The following BAZ2B variants were observed in gnomAD, a reference collection of about 807,000 sequenced individuals.
BAZ2B encodes bromodomain adjacent to zinc finger domain protein 2B.
In BAZ2B, 91 loss-of-function variants were observed where a neutral mutation model predicts 246.0. That is an observed-to-expected ratio of 0.37 (90% confidence interval 0.31 to 0.44). The LOEUF is 0.44. Among genes scored for constraint, BAZ2B ranks in the 20% least tolerant of loss-of-function variants. The pLI is 1.00. For synonymous variants in BAZ2B, 855 were observed against 860.0 expected (o/e 0.99, Z 0.10); for missense variants, 2,332 against 2,533.7 (o/e 0.92, Z 1.71).
chr2:159,445,590 C>T (rs967858995), intron 6 of BAZ2B, among the ~76,000 whole-genome samples: 5 of 152,158 alleles, frequency 3.3e-5, no homozygotes, highest in Admixed American at 1.3e-4. Flanking sequence ...GGCTGGGAAC[C>T]TGTCAGCTAC....
At chr2:159,403,954 A>G (rs1282383502) in intron 16 of BAZ2B, among the ~76,000 whole-genome samples, 2 of 152,114 alleles carry the variant, frequency 1.3e-5, no homozygotes, top group Non-Finnish European at 2.9e-5. Context: ...TAAATCCTAA[A>G]TCCCAACTCT....
At chr2:159,403,742 C>A (rs1287017354) in intron 16 of BAZ2B, among the ~76,000 whole-genome samples, 1 of 152,056 alleles carries the variant, frequency 6.6e-6, no homozygotes, top group African/African-American at 2.4e-5. Flanking sequence ...TTATATTTAT[C>A]TTTAAAAAGT....
At chr2:159,686,915 G>A in the BAZ2B span, among the ~76,000 whole-genome samples, 2 of 151,876 alleles carry the variant, frequency 1.3e-5, no homozygotes, top group Non-Finnish European at 2.9e-5. Flanking sequence ...GGTGGCGGGT[G>A]CCTGTAGTCC....
chr2:159,332,758 C>T lies in BAZ2B; in HGVS notation c.5797-72G>A, dbSNP rs543720581. 28 of 1,497,108 alleles carry T rather than the reference C, an allele frequency of 1.9e-5. No individual in the cohort carries two copies. The African/African-American group carries it at 3.2e-4, about 17-fold the overall frequency. 92.7% of individuals were successfully genotyped at this position (1,497,108 alleles called of 1,614,324 possible). A position where few individuals can be genotyped will look rare whatever the true frequency, so the allele number is the denominator to read the frequency against. On this transcript the variant is annotated intron_variant, in intron 33 of 36. Transcript: ENST00000392783. ...AATAGTTATTGGGATGTTAAACACACCATAATTCCTAATTTATATTAGTAA... is the reference window on the plus strand; with the variant it reads ...AATAGTTATTGGGATGTTAAACACATCATAATTCCTAATTTATATTAGTAA...
chr2:159,684,252 C>T, the BAZ2B span, among the ~76,000 whole-genome samples: 1 of 152,154 alleles, frequency 6.6e-6, no homozygotes, highest in South Asian at 2.1e-4. Context: ...TTTTGACAAG[C>T]ATGAATAAAG....
chr2:159,698,358 CAA>C, the BAZ2B span, among the ~76,000 whole-genome samples: 2 of 151,430 alleles, frequency 1.3e-5, no homozygotes, highest in Non-Finnish European at 2.9e-5. Context: ...CCCAGCTCTA[CAA>C]AAAATAAAAA....
intron 2 of BAZ2B, among the ~76,000 whole-genome samples, chr2:159,499,344 A>C (rs2081473339): frequency 1.3e-5 from 2 of 152,178 alleles, no homozygotes; most frequent in Non-Finnish European, 1.5e-5. Context: ...TGTCCCTGCA[A>C]AGGACATGAT....
intron 13 of BAZ2B, among the ~76,000 whole-genome samples, chr2:159,418,204 T>C (rs1027286036): frequency 2.0e-5 from 3 of 152,370 alleles, no homozygotes; most frequent in East Asian, 1.9e-4. Context: ...TTATGACTTA[T>C]AAACAGACTT....
Position 159,382,744 on chromosome 2 carries a change from G to C in BAZ2B, c.3820C>G (p.Leu1274Val), listed in dbSNP as rs376096484. The change falls in exon 25 of 37, where the codon CTG becomes GTG. Residue 1274 changes from leucine (L) to valine (V), a missense_variant. Transcript: ENST00000392783. ...GKRDTSGGIDLGEEQHPLGTP... is the reference protein window; with the variant it reads ...GKRDTSGGIDVGEEQHPLGTP... Reference sequence around the variant, plus strand: ...CCCAAGGGATGCTGCTCTTCTCCCAGATCAATGCCACCTGAAGTGTCTCTT... The same window carrying C: ...CCCAAGGGATGCTGCTCTTCTCCCACATCAATGCCACCTGAAGTGTCTCTT... 2 of 1,613,560 alleles carry C rather than the reference G, an allele frequency of 1.2e-6. No homozygotes were observed. The highest frequency in any genetic ancestry group is 1.7e-6 in the Non-Finnish European group (2 of 1,179,884).
At chr2:159,648,145 A>G in the BAZ2B span, among the ~76,000 whole-genome samples, 2 of 151,676 alleles carry the variant, frequency 1.3e-5, no homozygotes, top group African/African-American at 4.8e-5. Flanking sequence ...TTATTTATTT[A>G]TTTATTTTTT....
At chr2:159,422,800 CAA>C (rs990549079) in intron 13 of BAZ2B, among the ~76,000 whole-genome samples, 3 of 152,072 alleles carry the variant, frequency 2.0e-5, no homozygotes, top group Non-Finnish European at 4.4e-5. Context: ...CAAATATTCA[CAA>C]ACTATATATC....
intron 2 of BAZ2B, among the ~76,000 whole-genome samples, chr2:159,549,063 T>C (rs1032229291): frequency 1.8e-4 from 27 of 152,024 alleles, no homozygotes; most frequent in African/African-American, 6.0e-4. Context: ...GGCAGATTAG[T>C]TGAGGTCAAG....
chr2:159,458,445 CCT>C (rs1164333362), intron 3 of BAZ2B: 3 of 152,502 alleles, frequency 2.0e-5, no homozygotes, highest in East Asian at 1.9e-4. Flanking sequence ...CCTGCCTCAG[CCT>C]CCCAAGTAGC....
rs1309161569 is a variant in BAZ2B, at chr2:159,434,306, A to C, written c.1294-943T>G. On this transcript the variant is annotated intron_variant, in intron 8 of 36. Coordinates refer to ENST00000392783, the MANE Select transcript of BAZ2B (RefSeq NM_013450.4). ...CTCCCAAGTAGCTGGGACTACAGGC[A>C]TGCACCACCATGCCTAGGTAATTTT... 2.6e-5 allele frequency: 4 copies of C among 151,992 alleles called. 1 individual carries two copies. The highest frequency in any genetic ancestry group is 5.9e-5 in the Non-Finnish European group (4 of 68,028). 9.4% of individuals were successfully genotyped at this position (151,992 alleles called of 1,614,324 possible). A position where few individuals can be genotyped will look rare whatever the true frequency, so the allele number is the denominator to read the frequency against.
chr2:159,654,653 GAAAGA>G, the BAZ2B span, among the ~76,000 whole-genome samples: 1 of 152,152 alleles, frequency 6.6e-6, no homozygotes, highest in East Asian at 1.9e-4. Context: ...AGGAAAAAAA[GAAAGA>G]AAAGAAAAGA....
At chr2:159,391,459 A>T (rs759461204) in intron 20 of BAZ2B, among the ~76,000 whole-genome samples, 1 of 152,174 alleles carries the variant, frequency 6.6e-6, no homozygotes, top group Non-Finnish European at 1.5e-5. Flanking sequence ...TCTATTAATG[A>T]TGTCCATAAC....
At chr2:159,653,647 G>A in the BAZ2B span, among the ~76,000 whole-genome samples, 4 of 152,112 alleles carry the variant, frequency 2.6e-5, no homozygotes, top group Non-Finnish European at 2.9e-5. Context: ...GATACGTGAT[G>A]TAATTACACA....
intron 2 of BAZ2B, among the ~76,000 whole-genome samples, chr2:159,534,537 T>C (rs904878102): frequency 6.6e-6 from 1 of 152,178 alleles, no homozygotes; most frequent in African/African-American, 2.4e-5. Flanking sequence ...ATGGGACAAC[T>C]GTCATATATA....
Position 159,435,943 on chromosome 2 carries a change from A to G in BAZ2B, c.1293+2360T>C, listed in dbSNP as rs141242646. On this transcript the variant is annotated intron_variant, in intron 8 of 36. Transcript: ENST00000392783. ...AACTGTCACAAAATATTTGTACCTA[A>G]GGCAATACCTTACAAAGAGAAAGTG... 2.8e-4 allele frequency among the ~76,000 whole-genome samples: 43 copies of G among 152,380 alleles called. No homozygotes were observed. The East Asian group carries it at 7.9e-3, about 28-fold the overall frequency.
Sources: gnomAD v4.1 joint callset for allele counts (sites outside exome capture counted in the v4.1 genomes callset) on GRCh38, gnomAD v4.1.1 for gene constraint, MANE v1.5 for transcripts, NCBI Gene and HGNC (gene_info 2026-07-23, HGNC 2026-07-21) for gene names.